The following CRYBG1 variants were observed in gnomAD, a reference collection of about 807,000 sequenced individuals.
CRYBG1 encodes the protein crystallin beta-gamma domain containing 1.
Under a neutral mutation model 189.2 loss-of-function variants are expected in CRYBG1, and 139 were observed. The ratio of observed to expected loss-of-function variants is 0.73; its 90% CI spans 0.64 to 0.85. The LOEUF (loss-of-function observed/expected upper bound fraction) is 0.85. CRYBG1 is among the 40% of genes least tolerant of loss of function. The pLI is 0.00. For synonymous variants in CRYBG1, 1,023 were observed against 1,017.1 expected (o/e 1.01, Z -0.11); for missense variants, 2,611 against 2,675.8 (o/e 0.98, Z 0.53).
intron 2 of CRYBG1, among the ~76,000 whole-genome samples, chr6:106,468,359 G>T (rs779745366): frequency 6.6e-6 from 1 of 152,166 alleles, no homozygotes; most frequent in Non-Finnish European, 1.5e-5. Flanking sequence ...ATACTAAGAT[G>T]GGACAAACTA....
At chr6:106,438,568 C>A (rs1771510227) in intron 1 of CRYBG1, among the ~76,000 whole-genome samples, 1 of 152,230 alleles carries the variant, frequency 6.6e-6, no homozygotes, top group South Asian at 2.1e-4. Flanking sequence ...TGCATTGTCA[C>A]AGGCGTGTGG....
chr6:106,490,237 C>A (rs1165688548), intron 2 of CRYBG1, among the ~76,000 whole-genome samples: 1 of 152,214 alleles, frequency 6.6e-6, no homozygotes, highest in Non-Finnish European at 1.5e-5. Context: ...AGGCTGTTTC[C>A]CCTGCATTTC....
chr6:106,482,150 G>A (rs77838204), intron 2 of CRYBG1, among the ~76,000 whole-genome samples: 6,594 of 127,344 alleles, frequency 0.052, no homozygotes, highest in East Asian at 0.094. Flanking sequence ...CCAACCTCAC[G>A]TAGTTGTTGG....
chr6:106,362,984 G>A (rs1278801956), intron 1 of CRYBG1, among the ~76,000 whole-genome samples: 1 of 151,938 alleles, frequency 6.6e-6, no homozygotes, highest in African/African-American at 2.4e-5. Context: ...GGTGGCTCAC[G>A]CCTGTAATCC....
intron 1 of CRYBG1, among the ~76,000 whole-genome samples, chr6:106,416,277 G>A (rs374727065): frequency 2.0e-5 from 3 of 152,226 alleles, no homozygotes; most frequent in East Asian, 3.8e-4. Flanking sequence ...TGCATGGGGA[G>A]GAAGTTCTGT....
At chr6:106,434,361 A>G (rs1338714804) in intron 1 of CRYBG1, among the ~76,000 whole-genome samples, 4 of 152,128 alleles carry the variant, frequency 2.6e-5, no homozygotes, top group Middle Eastern at 3.2e-3. Context: ...AATTAAGTAA[A>G]TTTAAGGATT....
intron 1 of CRYBG1, among the ~76,000 whole-genome samples, chr6:106,434,354 TA>T (rs1166909047): frequency 1.3e-5 from 2 of 152,126 alleles, no homozygotes; most frequent in Non-Finnish European, 2.9e-5. Context: ...TCAAAAAAAT[TA>T]AGTAAATTTA....
intron 2 of CRYBG1, among the ~76,000 whole-genome samples, chr6:106,459,634 G>C (rs1390566075): frequency 1.3e-5 from 2 of 150,768 alleles, no homozygotes; most frequent in Non-Finnish European, 2.9e-5. Context: ...GCTGAGTAGT[G>C]TTCCATATGT....
intron 1 of CRYBG1, among the ~76,000 whole-genome samples, chr6:106,361,754 T>C (rs1260812971): frequency 6.6e-6 from 1 of 152,196 alleles, no homozygotes; most frequent in East Asian, 1.9e-4. Context: ...TATTCAACTA[T>C]AGCATCAGAG....
At chr6:106,451,466 G>T (rs1771780183) in intron 1 of CRYBG1, 1 of 349,482 alleles carries the variant, frequency 2.9e-6, no homozygotes, top group Non-Finnish European at 5.1e-6. Flanking sequence ...TTTCTGCATA[G>T]GATTTAAAAG....
intron 7 of CRYBG1, among the ~76,000 whole-genome samples, chr6:106,529,721 C>A (rs140893964): frequency 6.6e-6 from 1 of 152,220 alleles, no homozygotes. Flanking sequence ...TAGAGGTTTA[C>A]TCAGTCAAGG....
intron 1 of CRYBG1, among the ~76,000 whole-genome samples, chr6:106,390,990 A>G (rs1027845304): frequency 2.0e-5 from 3 of 152,234 alleles, no homozygotes; most frequent in Admixed American, 1.3e-4. Context: ...TTTAGTACAT[A>G]CTTTCAGACT....
intron 1 of CRYBG1, among the ~76,000 whole-genome samples, chr6:106,376,003 TC>T (rs1770156386): frequency 6.6e-6 from 1 of 152,224 alleles, no homozygotes; most frequent in African/African-American, 2.4e-5. Flanking sequence ...GGTATTTCTC[TC>T]TCTCTCTGTC....
At chr6:106,450,367 T>C (rs1265397356) in intron 1 of CRYBG1, among the ~76,000 whole-genome samples, 1 of 152,242 alleles carries the variant, frequency 6.6e-6, no homozygotes, top group East Asian at 1.9e-4. Context: ...TGCAACATTG[T>C]AGAAATCCCA....
chr6:106,532,422 C>T (rs1410167531), intron 8 of CRYBG1, among the ~76,000 whole-genome samples: 1 of 152,168 alleles, frequency 6.6e-6, no homozygotes, highest in Non-Finnish European at 1.5e-5. Context: ...GATATATACT[C>T]AGTAGTGAGA....
intron 1 of CRYBG1, among the ~76,000 whole-genome samples, chr6:106,368,599 A>G (rs745993189): frequency 6.6e-5 from 10 of 152,284 alleles, no homozygotes; most frequent in Non-Finnish European, 1.3e-4. Context: ...GGCTAACCCA[A>G]ATGCCTCATC....
chr6:106,367,459 C>G (rs942991811), intron 1 of CRYBG1, among the ~76,000 whole-genome samples: 2 of 151,826 alleles, frequency 1.3e-5, no homozygotes, highest in Non-Finnish European at 2.9e-5. Flanking sequence ...TGGTGGCATA[C>G]GCCTGTAATC....
chr6:106,436,582 C>T (rs1400955675), intron 1 of CRYBG1, among the ~76,000 whole-genome samples: 1 of 110,676 alleles, frequency 9.0e-6, no homozygotes, highest in African/African-American at 4.8e-5. Flanking sequence ...CGTGAGCCAA[C>T]GCGCCCGGCC....
intron 1 of CRYBG1, among the ~76,000 whole-genome samples, chr6:106,401,129 A>G (rs937234480): frequency 6.6e-6 from 1 of 152,186 alleles, no homozygotes; most frequent in African/African-American, 2.4e-5. Flanking sequence ...CAAAAGGAAG[A>G]TTGTCATTCT....
Sources: gnomAD v4.1 joint callset for allele counts (sites outside exome capture counted in the v4.1 genomes callset) on GRCh38, gnomAD v4.1.1 for gene constraint, MANE v1.5 for transcripts, NCBI Gene and HGNC (gene_info 2026-07-23, HGNC 2026-07-21) for gene names.